TGFBI: variants seen among roughly 807,000 people sequenced by gnomAD.
TGFBI encodes transforming growth factor-beta-induced protein ig-h3.
A neutral mutation model predicts 73.7 loss-of-function variants in TGFBI; 50 were observed. The ratio of observed to expected loss-of-function variants is 0.68; its 90% confidence interval spans 0.54 to 0.86. TGFBI has a LOEUF of 0.86. TGFBI is among the 40% of genes least tolerant of loss of function. TGFBI has a pLI of 0.00. For missense variants in TGFBI, 839 were observed against 877.0 expected (o/e 0.96, Z 0.55); for synonymous variants, 362 against 360.5 (o/e 1.00, Z -0.05).
At chr5:136,062,747 G>T in intron 16 of TGFBI, 60 bp downstream of exon 16, 6 of 1,515,806 alleles carry the variant, frequency 4.0e-6, no homozygotes, top group Non-Finnish European at 5.4e-6. Flanking sequence ...CCCCAAGCAA[G>T]CCCAAGCCTG....
chr5:136,058,168 G>A (rs1186736533), intron 12 of TGFBI, among the ~76,000 whole-genome samples: 1 of 152,176 alleles, frequency 6.6e-6, no homozygotes, highest in Non-Finnish European at 1.5e-5. Context: ...GCTCCAGGTT[G>A]TGGATGTTTG....
rs779775063 is a variant in TGFBI, at chr5:136,044,160, T to C, written c.298+38T>C. The C allele has an allele frequency of 2.6e-6, 4 of 1,555,806 alleles. No homozygotes were observed. In the Admixed American group the frequency reaches 5.1e-5, roughly 20 times the overall value. ...TCCGGGCCTTGCCTGTTGGTGTGGG[T>C]GGAAGGGAATGGTGGGAGAGAGGAG... On this transcript the variant is annotated intron_variant, in intron 3 of 16. Transcript: ENST00000442011.
At chr5:136,038,925 C>G (rs1424903152) in intron 2 of TGFBI, among the ~76,000 whole-genome samples, 3 of 152,200 alleles carry the variant, frequency 2.0e-5, no homozygotes, top group Non-Finnish European at 4.4e-5. Flanking sequence ...ATTTCTGACT[C>G]TAGCCTCTGG....
chr5:136,054,993 T>A, intron 10 of TGFBI, 132 bp downstream of exon 10: 1 of 1,116,894 alleles, frequency 9.0e-7, no homozygotes, highest in Non-Finnish European at 1.3e-6. Flanking sequence ...GGAAATAATT[T>A]CTGGAAAATA....
Position 136,046,877 on chromosome 5 carries a change from T to C in TGFBI, c.486T>C (p.Asn162=), listed in dbSNP as rs373003334. The C allele has an allele frequency of 6.2e-7, 1 of 1,613,688 alleles. No homozygotes were observed. The highest frequency in any genetic ancestry group is 1.3e-5 in the African/African-American group (1 of 75,018). The change falls in exon 5 of 17, where the codon AAT becomes AAC. Residue 162 remains asparagine, a synonymous_variant. Transcript: ENST00000442011. ...PAEVLDSLVS[N]VNIELLNALR... ...AAGTGCTGGACTCCCTGGTCAGCAA[T>C]GTCAACATTGAGCTGCTCAATGCCC...
At position 136,046,949 on chromosome 5, in the gene TGFBI, A is replaced by G; in HGVS notation, c.558A>G (p.Lys186=). The G allele has an allele frequency of 6.2e-7, 1 of 1,613,756 alleles. No individual in the cohort carries two copies. The highest frequency in any genetic ancestry group is 8.5e-7 in the Non-Finnish European group (1 of 1,179,858). The change falls in exon 5 of 17, where the codon AAA becomes AAG. Residue 186 remains lysine, a synonymous_variant. Coordinates refer to ENST00000442011, the MANE Select transcript of TGFBI (RefSeq NM_000358.3). ...VGRRVLTDEL[K]HGMTLTSMYQ... ...GGCGAGTCCTGACTGATGAGCTGAA[A>G]CACGGCATGACCCTCACCTCTATGT...
At chr5:136,034,966 G>A (rs1168767461) in intron 2 of TGFBI, among the ~76,000 whole-genome samples, 1 of 152,194 alleles carries the variant, frequency 6.6e-6, no homozygotes, top group African/African-American at 2.4e-5. Flanking sequence ...CAATTTAATA[G>A]CCAACTGAAA....
At chr5:136,055,929 T>A in intron 11 of TGFBI, 113 bp downstream of exon 11, 1 of 1,201,062 alleles carries the variant, frequency 8.3e-7, no homozygotes, top group Non-Finnish European at 1.1e-6. Flanking sequence ...CAATTAACAC[T>A]AGCAGTGCAC....
intron 12 of TGFBI, 128 bp from the exon 13 acceptor site, chr5:136,058,962 C>G (rs1398258316): frequency 8.3e-7 from 1 of 1,210,646 alleles, no homozygotes; most frequent in East Asian, 2.6e-5. Context: ...TTAATAAGTG[C>G]TTATTCCCTG....
chr5:136,061,168 C>A, intron 14 of TGFBI: 1 of 582,464 alleles, frequency 1.7e-6, no homozygotes, highest in Non-Finnish European at 3.1e-6. Context: ...GCTATATTAG[C>A]TCCCCTCGGA....
chr5:136,049,670 G>T, intron 7 of TGFBI, 90 bp downstream of exon 7: 2 of 1,455,402 alleles, frequency 1.4e-6, no homozygotes, highest in Non-Finnish European at 1.9e-6. Flanking sequence ...CATACCACCT[G>T]CCATGAGGTG....
chr5:136,060,016 C>G (rs1751719122), intron 13 of TGFBI, among the ~76,000 whole-genome samples: 1 of 152,218 alleles, frequency 6.6e-6, no homozygotes, highest in South Asian at 2.1e-4. Context: ...TCACATGGCC[C>G]TTCAGGAAGG....
chr5:136,054,557 G>A, intron 9 of TGFBI, 159 bp from the exon 10 acceptor site: 1 of 986,018 alleles, frequency 1.0e-6, no homozygotes, highest in Non-Finnish European at 1.6e-6. Flanking sequence ...CTCCATAGAA[G>A]ATACCAGATG....
chr5:136,052,900 AC>A lies in TGFBI; in HGVS notation c.914-3del. On this transcript the variant is annotated splice_region_variant and splice_polypyrimidine_tract_variant and intron_variant, in intron 7 of 16. Transcript: ENST00000442011. ...CCTGACTTGACCTGAGTCTGTTTGG[AC>A]CCCAGACCTGCTGAACAACCACATC... 1 of 1,612,554 alleles carries A rather than the reference AC, an allele frequency of 6.2e-7. No individual in the cohort carries two copies. The highest frequency in any genetic ancestry group is 8.5e-7 in the Non-Finnish European group (1 of 1,178,832).
intron 12 of TGFBI, among the ~76,000 whole-genome samples, chr5:136,057,629 T>A (rs907069916): frequency 3.3e-5 from 5 of 151,826 alleles, no homozygotes; most frequent in African/African-American, 1.2e-4. Context: ...CTGTGAGAGA[T>A]GCTTCCACTC....
chr5:136,046,161 A>T, intron 3 of TGFBI, 174 bp from the exon 4 acceptor site: 1 of 625,412 alleles, frequency 1.6e-6, no homozygotes, highest in Non-Finnish European at 2.7e-6. Flanking sequence ...GAGTTGTTTT[A>T]AGAAGACTAT....
intron 4 of TGFBI, 149 bp downstream of exon 4, chr5:136,046,644 G>C: frequency 7.9e-7 from 1 of 1,258,972 alleles, no homozygotes; most frequent in Non-Finnish European, 1.1e-6. Flanking sequence ...TGTGGAACTT[G>C]AGCTAAAATA....
intron 1 of TGFBI, among the ~76,000 whole-genome samples, chr5:136,032,900 G>C (rs1006029150): frequency 6.6e-6 from 1 of 152,074 alleles, no homozygotes; most frequent in African/African-American, 2.4e-5. Context: ...TCTGGAAAAG[G>C]CTTCTTAGCA....
At chr5:136,061,341 A>G in intron 14 of TGFBI, 159 bp from the exon 15 acceptor site, 1 of 649,188 alleles carries the variant, frequency 1.5e-6, no homozygotes. Context: ...CTCTCTCCCC[A>G]TGGGCCAAGT....
Sources: gnomAD v4.1 joint callset for allele counts (sites outside exome capture counted in the v4.1 genomes callset) on GRCh38, gnomAD v4.1.1 for gene constraint, MANE v1.5 for transcripts, NCBI Gene and HGNC (gene_info 2026-07-23, HGNC 2026-07-21) for gene names.